RHBDF1: variants seen among roughly 807,000 people sequenced by gnomAD.
The protein encoded by RHBDF1 is inactive rhomboid protein 1.
A neutral mutation model predicts 98.6 loss-of-function variants in RHBDF1; 80 were observed. The observed-to-expected ratio is 0.81, with a 90% CI of 0.68 to 0.98. RHBDF1 has a LOEUF of 0.98. Ranked by LOEUF, RHBDF1 falls within the 50% of genes least tolerant of loss-of-function variation. The probability of loss-of-function intolerance (pLI) is 0.00; values close to 1 mark genes in which losing one functional copy is unlikely to be tolerated. For synonymous variants in RHBDF1, 512 were observed against 486.8 expected (o/e 1.05, Z -0.68); for missense variants, 1,116 against 1,198.3 (o/e 0.93, Z 1.01).
chr16:60,625 C>T, intron 11 of RHBDF1, 86 bp from the exon 12 acceptor site: 1 of 914,278 alleles, frequency 1.1e-6, no homozygotes. Flanking sequence ...GGCAAAACCA[C>T]TGAGCTCTTC....
At chr16:70,214 T>A (rs1422102201) in intron 1 of RHBDF1, among the ~76,000 whole-genome samples, 1 of 152,198 alleles carries the variant, frequency 6.6e-6, no homozygotes, top group East Asian at 1.9e-4. Flanking sequence ...CTACACTAGA[T>A]TCTGGGGGTA....
Position 61,663 on chromosome 16 carries a change from G to A in RHBDF1, c.1242C>T (p.His414=), listed in dbSNP as rs768583538. The change falls in exon 9 of 18, where the codon CAC becomes CAT. Residue 414 remains histidine (H), a synonymous_variant. Transcript: ENST00000262316. The part of the protein sequence containing the change: ...PFFTYWLTFV[H]SLVTILAVCI... ...ACACGGCTAGGATGGTGACGAGCGA[G>A]TGCACGAAGGTAAGCCAGTAGGTGA... is the stretch of plus-strand genomic sequence containing the variant. 1.9e-6 allele frequency: 3 copies of A among 1,613,374 alleles called. No homozygotes were observed. The highest frequency in any genetic ancestry group is 2.7e-5 in the African/African-American group (2 of 74,928).
intron 1 of RHBDF1, among the ~76,000 whole-genome samples, chr16:68,384 A>AGCG (rs1244001266): frequency 6.6e-6 from 1 of 152,132 alleles, no homozygotes; most frequent in Non-Finnish European, 1.5e-5. Flanking sequence ...CTGGCCAGGG[A>AGCG]GCGGCACATT....
rs375317029 is a variant in RHBDF1, at chr16:60,427, G to C, written c.1658+12C>G. The C allele has an allele frequency of 6.2e-7, 1 of 1,609,874 alleles. No homozygotes were observed. Among genetic ancestry groups the C allele is most frequent in the Non-Finnish European group, 8.5e-7 (1 of 1,178,128 alleles). ...GACAAAGGCAGGTGAGAGAGCTGCCGGCAGGACTAACCTGGGATCCTGGTG... is the reference window on the plus strand; with the variant it reads ...GACAAAGGCAGGTGAGAGAGCTGCCCGCAGGACTAACCTGGGATCCTGGTG... On this transcript the variant is annotated intron_variant, in intron 12 of 17. Transcript: ENST00000262316.
At chr16:73,857 G>A, upstream of RHBDF1, 1 of 854,804 alleles carries the variant, frequency 1.2e-6, no homozygotes, top group Non-Finnish European at 1.4e-6. Context: ...GCAGACAATG[G>A]CCTGCTCCTT....
chr16:61,719 G>C (rs1030581901), intron 8 of RHBDF1, 23 bp from the exon 9 acceptor site: 1 of 1,612,748 alleles, frequency 6.2e-7, no homozygotes, highest in African/African-American at 1.3e-5. Context: ...GCGTCAGCGG[G>C]GGCCTCATCC....
Position 58,537 on chromosome 16 carries a change from T to C in RHBDF1, c.2371A>G (p.Ser791Gly). ...FLSFAFLPYI[S>G]FGKFDLYRKR... The stretch of plus-strand genomic sequence containing the variant: ...CGGTACAGGTCGAACTTGCCAAAGC[T>C]GATGTAGGGCAAGAAGGCGAAGGAG... Residue 791 changes from serine to glycine, a missense_variant, in exon 18 of 18, where the codon AGC becomes GGC. Transcript: ENST00000262316. The C allele has an allele frequency of 6.2e-7, 1 of 1,613,898 alleles. No individual in the cohort carries two copies. Among genetic ancestry groups the C allele is most frequent in the Non-Finnish European group, 8.5e-7 (1 of 1,179,996 alleles).
rs1025213930 is a variant in RHBDF1, at chr16:64,576, C to A, written c.248+123G>T. 2.6e-6 allele frequency: 4 copies of A among 1,541,128 alleles called. No homozygotes were observed. The African/African-American group carries it at 5.5e-5, about 21-fold the overall frequency. On this transcript the variant is annotated intron_variant, in intron 3 of 17. Transcript: ENST00000262316. Reference sequence around the variant, plus strand: ...GAGGAGGGCAAGGGGATGGTGGGGACCGAGATGGAGGAGGAAGCTGAAACA... The same window carrying A: ...GAGGAGGGCAAGGGGATGGTGGGGAACGAGATGGAGGAGGAAGCTGAAACA...
At chr16:65,978 T>C (rs965258052) in intron 1 of RHBDF1, among the ~76,000 whole-genome samples, 1 of 152,204 alleles carries the variant, frequency 6.6e-6, no homozygotes, top group African/African-American at 2.4e-5. Flanking sequence ...CCAGAGCAGA[T>C]AGGCCAGGGT....
Position 63,000 on chromosome 16 carries a change from G to A in RHBDF1, c.645C>T (p.Ser215=), listed in dbSNP as rs749589086. ...RRKRESVAKM[S]FRAAAALMKG... ...TCATCAGCGCTGCGGCCGCCCGGAA[G>A]CTCATCTTGGCCACCGACTCTCGCT... Residue 215 remains serine, a synonymous_variant, in exon 5 of 18, where the codon AGC becomes AGT. Coordinates refer to ENST00000262316, the MANE Select transcript of RHBDF1 (RefSeq NM_022450.5). The A allele has an allele frequency of 4.3e-6, 7 of 1,612,198 alleles. No homozygotes were observed. The highest frequency in any genetic ancestry group is 5.1e-6 in the Non-Finnish European group (6 of 1,179,438).
In RHBDF1 at chr16:59,130, G is replaced by A. The variant is rs368394192; in HGVS notation, c.1995-3C>T. ...TGGACACCAGGCAGTGCAAGATCCTGTAGTCAGTAGCAGGCGGGGGTCGGG... is the reference window on the plus strand; with the variant it reads ...TGGACACCAGGCAGTGCAAGATCCTATAGTCAGTAGCAGGCGGGGGTCGGG... On this transcript the variant is annotated splice_region_variant and splice_polypyrimidine_tract_variant and intron_variant, in intron 16 of 17. Coordinates refer to ENST00000262316, the MANE Select transcript of RHBDF1 (RefSeq NM_022450.5). 7 of 1,612,298 alleles carry A rather than the reference G, an allele frequency of 4.3e-6. No homozygotes were observed. In the African/African-American group the frequency reaches 5.3e-5, roughly 12 times the overall value.
At position 64,985 on chromosome 16, in the gene RHBDF1, T is replaced by G; in HGVS notation, c.31A>C (p.Ser11Arg). 6 of 1,540,340 alleles carry G rather than the reference T, an allele frequency of 3.9e-6. No homozygotes were observed. Among genetic ancestry groups the G allele is most frequent in the Non-Finnish European group, 5.3e-6 (6 of 1,140,864 alleles). Residue 11 changes from serine (S) to arginine (R), a missense_variant, in exon 2 of 18, where the codon AGC becomes CGC. By Grantham distance (110) the Ser-to-Arg change is moderately radical. Coordinates refer to ENST00000262316, the MANE Select transcript of RHBDF1 (RefSeq NM_022450.5). ...CAGGGTGGCTTCTTGCGCTGCAGGC[T>G]GCTCGTGCTGTCCCTGCGGGCCTCA... MSEARRDSTS[S>R]LQRKKPPWLK...
In RHBDF1 at chr16:59,002, C is replaced by G. The variant is rs1313511523; in HGVS notation, c.2120G>C (p.Ser707Thr). 3 of 1,613,144 alleles carry G rather than the reference C, an allele frequency of 1.9e-6. No homozygotes were observed. The highest frequency in any genetic ancestry group is 2.5e-6 in the Non-Finnish European group (3 of 1,180,022). The change falls in exon 17 of 18, where the codon AGT becomes ACT. Residue 707 changes from serine to threonine, a missense_variant. By Grantham distance (58) the Ser-to-Thr change is moderately conservative. Coordinates refer to ENST00000262316, the MANE Select transcript of RHBDF1 (RefSeq NM_022450.5). Reference protein sequence around the residue: ...LLSGVTGNLASAIFLPYRAEV... With the variant: ...LLSGVTGNLATAIFLPYRAEV... ...TGCTCGGTATGGCAGGAAGATGGCA[C>G]TGGCCAGGTTGCCGGTGACACCACT...
chr16:60,388 C>T, intron 12 of RHBDF1, 51 bp downstream of exon 12: 2 of 1,600,210 alleles, frequency 1.2e-6, no homozygotes, highest in Non-Finnish European at 1.7e-6. Context: ...ACCACAGCCC[C>T]CGGGGAAGGT....
chr16:59,023 C>T lies in RHBDF1; in HGVS notation c.2099G>A (p.Gly700Asp). The change falls in exon 17 of 18, where the codon GGT (glycine) becomes GAT (aspartate). Residue 700 changes from glycine to aspartate, a missense_variant. Coordinates refer to ENST00000262316, the MANE Select transcript of RHBDF1 (RefSeq NM_022450.5). ...GGCACTGGCCAGGTTGCCGGTGACA[C>T]CACTCAGCAGGTAGATGATGGCTAT... The part of the protein sequence containing the change: ...HRIAIIYLLS[G>D]VTGNLASAIF... 6.2e-7 allele frequency: 1 copy of T among 1,613,362 alleles called. No individual in the cohort carries two copies. Among genetic ancestry groups the T allele is most frequent in the Non-Finnish European group, 8.5e-7 (1 of 1,180,026 alleles).
upstream of RHBDF1, among the ~76,000 whole-genome samples, chr16:75,130 T>A (rs1898060356): frequency 6.6e-6 from 1 of 152,120 alleles, no homozygotes; most frequent in African/African-American, 2.4e-5. Context: ...GAGCCCCCTA[T>A]ACGGAAACCC....
chr16:75,005 C>G (rs966441684), upstream of RHBDF1: 2 of 152,492 alleles, frequency 1.3e-5, no homozygotes, highest in African/African-American at 4.8e-5. Flanking sequence ...GCTTGGTGGT[C>G]TCTTCACACG....
At chr16:60,654 AC>A in intron 11 of RHBDF1, 115 bp from the exon 12 acceptor site, 1 of 692,648 alleles carries the variant, frequency 1.4e-6, no homozygotes, top group Middle Eastern at 2.6e-4. Flanking sequence ...TCTACAAGTC[AC>A]CCCCACTCTT....
chr16:69,644 G>C (rs1197399307), intron 1 of RHBDF1, among the ~76,000 whole-genome samples: 1 of 152,146 alleles, frequency 6.6e-6, no homozygotes, highest in African/African-American at 2.4e-5. Context: ...GATTAATGAA[G>C]GGAAAGTCAC....
Sources: gnomAD v4.1 joint callset for allele counts (sites outside exome capture counted in the v4.1 genomes callset) on GRCh38, gnomAD v4.1.1 for gene constraint, MANE v1.5 for transcripts, NCBI Gene and HGNC (gene_info 2026-07-23, HGNC 2026-07-21) for gene names.